The following DNAH14 variants were observed in gnomAD, a reference collection of about 807,000 sequenced individuals.
The protein encoded by DNAH14 is axonemal beta dynein heavy chain 14.
A neutral mutation model predicts 520.9 loss-of-function variants in DNAH14; 478 were observed. The ratio of observed to expected loss-of-function variants is 0.92; its 90% CI spans 0.85 to 0.99. DNAH14 has a LOEUF of 0.99. Ranked by LOEUF, DNAH14 falls within the 50% of genes least tolerant of loss-of-function variation. DNAH14 has a pLI of 0.00. For missense variants in DNAH14, 4,831 were observed against 5,234.5 expected (o/e 0.92, Z 2.38); for synonymous variants, 1,581 against 1,757.2 (o/e 0.90, Z 2.51).
At chr1:225,115,920 G>A (rs2076838144) in intron 23 of DNAH14, among the ~76,000 whole-genome samples, 1 of 152,204 alleles carries the variant, frequency 6.6e-6, no homozygotes, top group Non-Finnish European at 1.5e-5. Flanking sequence ...ATATTACAAT[G>A]TGATGTATGC....
intron 60 of DNAH14, among the ~76,000 whole-genome samples, chr1:225,316,616 A>G (rs2094471755): frequency 6.6e-6 from 1 of 151,938 alleles, no homozygotes; most frequent in African/African-American, 2.4e-5. Context: ...GAGTTCCCTG[A>G]CCCCTTGTGC....
chr1:225,139,782 G>T (rs2079266505), intron 27 of DNAH14, among the ~76,000 whole-genome samples: 1 of 152,170 alleles, frequency 6.6e-6, no homozygotes, highest in Admixed American at 6.5e-5. Context: ...TTGAATAAAT[G>T]TCTCAAGGGC....
chr1:225,107,852 A>G (rs2076199235), intron 23 of DNAH14, among the ~76,000 whole-genome samples: 1 of 152,178 alleles, frequency 6.6e-6, no homozygotes, highest in Admixed American at 6.5e-5. Context: ...AAGTGAGATG[A>G]TATCTCATTG....
intron 15 of DNAH14, among the ~76,000 whole-genome samples, chr1:225,048,064 G>T (rs904880759): frequency 1.3e-5 from 2 of 152,126 alleles, no homozygotes; most frequent in African/African-American, 2.4e-5. Flanking sequence ...CCCTTTTGTA[G>T]TCACACTCTC....
chr1:225,171,309 C>CA (rs1169968631), intron 36 of DNAH14, among the ~76,000 whole-genome samples: 2 of 151,918 alleles, frequency 1.3e-5, no homozygotes, highest in Non-Finnish European at 2.9e-5. Context: ...AAACACCCTT[C>CA]AAAAAATCAG....
chr1:225,087,825 G>A (rs191942633), intron 21 of DNAH14, among the ~76,000 whole-genome samples: 49 of 152,326 alleles, frequency 3.2e-4, no homozygotes, highest in African/African-American at 6.0e-4. Flanking sequence ...TCAATGACAC[G>A]TGAAACTGCC....
rs377222842 is a variant in DNAH14 at position 225,309,890 on chromosome 1, G to A, written c.9240+1480G>A. ...CCTGGTGAGAGAGCAAGACTCGGAG[G>A]GGGGAGGGATAGCATTAGGAGATAT... On this transcript the variant is annotated intron_variant, in intron 60 of 85. Coordinates refer to ENST00000682510, the MANE Select transcript of DNAH14 (RefSeq NM_001367479.1). 3.9e-5 allele frequency among the ~76,000 whole-genome samples: 6 copies of A among 152,078 alleles called. No individual in the cohort carries two copies. In the East Asian group the frequency reaches 5.8e-4, roughly 15 times the overall value.
rs538355865 is a variant in DNAH14 at position 225,005,817 on chromosome 1, C to T, written c.976-1596C>T. Among the ~76,000 whole-genome samples the T allele has an allele frequency of 1.4e-4, 22 of 152,094 alleles. No homozygotes were observed. The South Asian group carries it at 2.7e-3, about 19-fold the overall frequency. On this transcript the variant is annotated intron_variant, in intron 9 of 85. Transcript: ENST00000682510. ...AGAAGGAAGAATGATGTAATATACA[C>T]GCATGTATGGAACATTATGATTTTG...
chr1:225,193,011 T>C, intron 38 of DNAH14, 100 bp downstream of exon 38: 1 of 893,940 alleles, frequency 1.1e-6, no homozygotes. Context: ...CATCTATTAG[T>C]GTAAAAGTAA....
intron 11 of DNAH14, among the ~76,000 whole-genome samples, chr1:225,028,904 A>T (rs952087265): frequency 3.9e-5 from 6 of 152,060 alleles, no homozygotes; most frequent in Non-Finnish European, 8.8e-5. Flanking sequence ...TCTTATAAAG[A>T]TAAACATAAA....
chr1:225,335,833 A>G (rs571385256), intron 66 of DNAH14, among the ~76,000 whole-genome samples: 10 of 101,264 alleles, frequency 9.9e-5, no homozygotes, highest in African/African-American at 3.8e-4. Context: ...ACATATGTAC[A>G]TATATGTACA....
At chr1:225,356,945 C>T (rs1014368742) in intron 73 of DNAH14, among the ~76,000 whole-genome samples, 52 of 152,132 alleles carry the variant, frequency 3.4e-4, no homozygotes, top group Non-Finnish European at 7.4e-5. Flanking sequence ...AGTTGGAAGA[C>T]ATGGTCTGAT....
intron 69 of DNAH14, among the ~76,000 whole-genome samples, chr1:225,344,299 G>T (rs1421598801): frequency 6.6e-6 from 1 of 151,652 alleles, no homozygotes; most frequent in East Asian, 1.9e-4. Context: ...TGTCATGGGG[G>T]TTTGTTGTAC....
chr1:224,952,565 A>G, intron 1 of DNAH14, 105 bp from the exon 2 acceptor site: 1 of 543,166 alleles, frequency 1.8e-6, no homozygotes, highest in Non-Finnish European at 3.1e-6. Context: ...TATTATATTA[A>G]GCCTATTGAG....
intron 75 of DNAH14, 83 bp from the exon 76 acceptor site, chr1:225,364,709 C>T: frequency 9.9e-7 from 1 of 1,010,486 alleles, no homozygotes; most frequent in Non-Finnish European, 1.4e-6. Flanking sequence ...AAGGCCACTT[C>T]AAACAGTGAA....
chr1:224,948,532 T>G (rs2059984640), intron 1 of DNAH14, among the ~76,000 whole-genome samples: 1 of 152,058 alleles, frequency 6.6e-6, no homozygotes, highest in Admixed American at 6.6e-5. Flanking sequence ...ATTGTCCTTT[T>G]AGATAATTTA....
intron 43 of DNAH14, among the ~76,000 whole-genome samples, chr1:225,248,019 AAATAAT>A (rs1041738194): frequency 6.6e-6 from 1 of 151,984 alleles, no homozygotes; most frequent in African/African-American, 2.4e-5. Flanking sequence ...ACTCTGTCTC[AAATAAT>A]AATAATAATA....
intron 36 of DNAH14, among the ~76,000 whole-genome samples, chr1:225,184,346 A>T (rs1454283085): frequency 1.3e-5 from 2 of 152,178 alleles, no homozygotes; most frequent in Non-Finnish European, 2.9e-5. Context: ...TTGGCTGGGC[A>T]CAGTGGCTCA....
Position 225,100,850 on chromosome 1 carries a change from A to G in DNAH14, c.3833A>G (p.Asn1278Ser). ...AGVLEILQNCNIHLEHIKKSL... is the reference protein window; with the variant it reads ...AGVLEILQNCSIHLEHIKKSL... ...GTCCTTGAAATTCTGCAAAATTGTA[A>G]TATACATCTTGAACATATAAAGAAA... Residue 1278 changes from asparagine (N) to serine (S), a missense_variant, in exon 23 of 86, where the codon AAT (asparagine) becomes AGT (serine). Coordinates refer to ENST00000682510, the MANE Select transcript of DNAH14 (RefSeq NM_001367479.1). 1 of 1,528,712 alleles carries G rather than the reference A, an allele frequency of 6.5e-7. No individual in the cohort carries two copies. The highest frequency in any genetic ancestry group is 8.8e-7 in the Non-Finnish European group (1 of 1,141,090). 94.7% of individuals were successfully genotyped at this position (1,528,712 alleles called of 1,614,324 possible). A position where few individuals can be genotyped will look rare whatever the true frequency, so the allele number is the denominator to read the frequency against.
Sources: gnomAD v4.1 joint callset for allele counts (sites outside exome capture counted in the v4.1 genomes callset) on GRCh38, gnomAD v4.1.1 for gene constraint, MANE v1.5 for transcripts, NCBI Gene and HGNC (gene_info 2026-07-23, HGNC 2026-07-21) for gene names.